Variants in GARRE1 observed in about 807,000 individuals in gnomAD.
GARRE1 encodes granule associated Rac and RHOG effector 1.
GARRE1 carries 49 observed loss-of-function variants against 103.2 expected under a neutral mutation model. That is an observed-to-expected ratio of 0.47 (90% CI 0.38 to 0.60). The LOEUF is 0.60. Ranked by LOEUF, GARRE1 falls within the 20% of genes least tolerant of loss-of-function variation. The pLI, the probability that GARRE1 is intolerant of heterozygous loss-of-function variation, is 0.00. For synonymous variants in GARRE1, 505 were observed against 532.8 expected, an observed-to-expected ratio of 0.95 and a Z score of 0.72; for missense variants, 1,199 against 1,370.5, an observed-to-expected ratio of 0.87 and a Z score of 1.98.
At chr19:34,282,405 C>T (rs2073860882) in intron 1 of GARRE1, among the ~76,000 whole-genome samples, 1 of 152,216 alleles carries the variant, frequency 6.6e-6, no homozygotes, top group Admixed American at 6.5e-5. Context: ...CTGCCTTGGC[C>T]TCCCAAAGTG....
chr19:34,319,071 A>G (rs2074073002), intron 2 of GARRE1, among the ~76,000 whole-genome samples: 1 of 152,168 alleles, frequency 6.6e-6, no homozygotes, highest in Non-Finnish European at 1.5e-5. Context: ...TGGTTTATGC[A>G]AGAAAGTAAC....
rs79117174 is a variant in GARRE1 at position 34,327,452 on chromosome 19, A to T, written c.737A>T (p.Asp246Val). 5 of 1,613,868 alleles carry T rather than the reference A, an allele frequency of 3.1e-6. No individual in the cohort carries two copies. The African/African-American group carries it at 6.7e-5, about 22-fold the overall frequency. The part of the protein sequence containing the change: ...ATSRLRERGC[D>V]GCLAGIEVQQ... ...TCTAGACTAAGAGAAAGAGGCTGTG[A>T]TGGTTGCCTGGCAGGAATTGAAGTT... The change falls in exon 4 of 14, where the codon GAT (aspartate) becomes GTT (valine). Residue 246 changes from aspartate to valine, a missense_variant. Asp to Val is a radical substitution (Grantham distance 152). Coordinates refer to ENST00000299505, the MANE Select transcript of GARRE1 (RefSeq NM_014686.5).
At chr19:34,349,315 G>A (rs2145286831) in intron 12 of GARRE1, among the ~76,000 whole-genome samples, 162 bp downstream of exon 12, 1 of 152,292 alleles carries the variant, frequency 6.6e-6, no homozygotes, top group South Asian at 2.1e-4. Flanking sequence ...AAGAGCACCT[G>A]CAGGAGGCGG....
intron 10 of GARRE1, among the ~76,000 whole-genome samples, chr19:34,346,689 T>C (rs1227138184): frequency 1.3e-5 from 2 of 152,206 alleles, no homozygotes; most frequent in Admixed American, 6.5e-5. Context: ...CGATCTTGGC[T>C]CCCTGCAACC....
At chr19:34,282,878 C>A (rs2073863645) in intron 1 of GARRE1, among the ~76,000 whole-genome samples, 1 of 152,206 alleles carries the variant, frequency 6.6e-6, no homozygotes, top group Non-Finnish European at 1.5e-5. Context: ...AAAAAGTGGC[C>A]AGCTTTGCTC....
intron 1 of GARRE1, chr19:34,296,258 A>G (rs2073946798): frequency 3.0e-6 from 2 of 657,132 alleles, no homozygotes; most frequent in African/African-American, 1.8e-5. Context: ...CTGTTCTCAC[A>G]TTTGTAGACA....
chr19:34,261,249 C>G (rs2073716456), intron 1 of GARRE1, among the ~76,000 whole-genome samples: 1 of 152,144 alleles, frequency 6.6e-6, no homozygotes, highest in African/African-American at 2.4e-5. Context: ...TTTCAGTTTT[C>G]TGATTTGTAG....
chr19:34,263,170 GC>G (rs1290972635), intron 1 of GARRE1, among the ~76,000 whole-genome samples: 52 of 152,100 alleles, frequency 3.4e-4, no homozygotes, highest in Admixed American at 9.2e-4. Flanking sequence ...CCAAGATCGT[GC>G]CACTGCACTC....
chr19:34,341,645 G>A lies in GARRE1; in HGVS notation c.1711G>A (p.Ala571Thr). Residue 571 changes from alanine (A) to threonine (T), a missense_variant, in exon 10 of 14, where the codon GCT becomes ACT. By Grantham distance (58) the Ala-to-Thr change is moderately conservative. Transcript: ENST00000299505. ...QNTPSKNIFI[A>T]GCSEEKAKMP... is the part of the protein sequence containing the mutation. ...TACCCCTTCCAAAAACATCTTCATA[G>A]CTGGATGTTCCGAAGAGAAGGCCAA... 1.2e-6 allele frequency: 2 copies of A among 1,614,140 alleles called. No individual in the cohort carries two copies. Among genetic ancestry groups the A allele is most frequent in the Non-Finnish European group, 1.7e-6 (2 of 1,180,000 alleles).
At chr19:34,301,184 A>G (rs2073976919) in intron 2 of GARRE1, among the ~76,000 whole-genome samples, 1 of 152,180 alleles carries the variant, frequency 6.6e-6, no homozygotes, top group Non-Finnish European at 1.5e-5. Context: ...CTGTAACCCC[A>G]GCACTTTGGG....
rs2074219364 is a variant in GARRE1 at position 34,347,893 on chromosome 19, G to C, written c.2538G>C (p.Glu846Asp). ...CCAATGCAGTGGGCTCAGACCCAGA[G>C]TTTGCACGCTATGTGGCAGGAGTGA... ...PFDPAVGSDP[E>D]FARYVAGVSQ... The change falls in exon 11 of 14, where the codon GAG (glutamate) becomes GAC (aspartate). Residue 846 changes from glutamate (E) to aspartate (D), a missense_variant. Physicochemically the swap from Glu to Asp is conservative, Grantham distance 45. Transcript: ENST00000299505. The C allele has an allele frequency of 6.4e-7, 1 of 1,568,286 alleles. No homozygotes were observed. The highest frequency in any genetic ancestry group is 8.7e-7 in the Non-Finnish European group (1 of 1,153,976).
At chr19:34,265,219 C>T (rs190165826) in intron 1 of GARRE1, among the ~76,000 whole-genome samples, 2,156 of 152,272 alleles carry the variant, frequency 0.014, 20 homozygotes, top group Non-Finnish European at 0.023. Context: ...ACCCCACCCC[C>T]GGTCCCCGAG....
chr19:34,347,254 A>G (rs1258599585), intron 10 of GARRE1, among the ~76,000 whole-genome samples: 2 of 151,424 alleles, frequency 1.3e-5, no homozygotes, highest in Non-Finnish European at 2.9e-5. Context: ...GAACCCAGCT[A>G]ATTTTTGTAT....
Position 34,333,701 on chromosome 19 carries a change from TA to T in GARRE1, c.1264-2del. On this transcript the variant is annotated splice_acceptor_variant, in intron 7 of 13. Coordinates refer to ENST00000299505, the MANE Select transcript of GARRE1 (RefSeq NM_014686.5). LOFTEE classifies it high-confidence loss of function. ...TGTTTTTTTTTTTTTTTTTCGATCT[TA>T]GGTGGTGGTTGACACAGCACAGATT... 7.4e-7 allele frequency: 1 copy of T among 1,357,838 alleles called. No individual in the cohort carries two copies. The highest frequency in any genetic ancestry group is 1.8e-5 in the Admixed American group (1 of 54,592). The allele number at this position is 1,357,838 out of a possible 1,614,324, so 84.1% of individuals were successfully genotyped here. A position where few individuals can be genotyped will look rare whatever the true frequency, so the allele number is the denominator to read the frequency against.
rs2074109597 is a variant in GARRE1, at chr19:34,325,899, A to G, written c.706-1522A>G. ...CCCCACCCCACCCCACACACATGCA[A>G]TTCCATTCACGACCTTCTCCTCTAA... On this transcript the variant is annotated intron_variant, in intron 3 of 13. Transcript: ENST00000299505. Among the ~76,000 whole-genome samples, 6 of 152,168 alleles carry G rather than the reference A, an allele frequency of 3.9e-5. No individual in the cohort carries two copies. In the South Asian group the frequency reaches 1.0e-3, roughly 26 times the overall value.
At chr19:34,272,429 C>T (rs537743196) in intron 1 of GARRE1, among the ~76,000 whole-genome samples, 9 of 152,064 alleles carry the variant, frequency 5.9e-5, no homozygotes, top group Non-Finnish European at 1.3e-4. Flanking sequence ...AAACTCCTGA[C>T]CTCAGGTAAT....
At chr19:34,257,730 A>G (rs2073683899) in intron 1 of GARRE1, among the ~76,000 whole-genome samples, 1 of 152,152 alleles carries the variant, frequency 6.6e-6, no homozygotes, top group Non-Finnish European at 1.5e-5. Flanking sequence ...CTTTAACTCT[A>G]CTGAAACTGC....
At chr19:34,338,667 A>G (rs1490624587) in intron 8 of GARRE1, among the ~76,000 whole-genome samples, 1 of 152,214 alleles carries the variant, frequency 6.6e-6, no homozygotes, top group East Asian at 1.9e-4. Context: ...GCAAGAGCAA[A>G]GGTCCTGAGG....
In GARRE1 at chr19:34,342,462, G is replaced by T; in HGVS notation, c.2521+7G>T. Reference sequence around the variant, plus strand: ...CTGCCTTTTGATCCTGCAGGTATGTGAGGCCTCCCATCCCTCGCCCAGTGT... The same window carrying T: ...CTGCCTTTTGATCCTGCAGGTATGTTAGGCCTCCCATCCCTCGCCCAGTGT... On this transcript the variant is annotated splice_region_variant and intron_variant, in intron 10 of 13. Transcript: ENST00000299505. The T allele has an allele frequency of 6.2e-7, 1 of 1,602,976 alleles. No individual in the cohort carries two copies. The highest frequency in any genetic ancestry group is 1.1e-5 in the South Asian group (1 of 89,500).
Sources: gnomAD v4.1 joint callset for allele counts (sites outside exome capture counted in the v4.1 genomes callset) on GRCh38, gnomAD v4.1.1 for gene constraint, MANE v1.5 for transcripts, NCBI Gene and HGNC (gene_info 2026-07-23, HGNC 2026-07-21) for gene names.